ULK4: variants seen among roughly 807,000 people sequenced by gnomAD.
ULK4 encodes inactive serine/threonine-protein kinase ULK4.
A neutral mutation model predicts 160.6 loss-of-function variants in ULK4; 133 were observed. The ratio of observed to expected loss-of-function variants is 0.83; its 90% CI spans 0.72 to 0.96. The LOEUF (loss-of-function observed/expected upper bound fraction) is 0.96. ULK4 is among the 40% of genes least tolerant of loss of function. ULK4 has a pLI of 0.00. For synonymous variants in ULK4, 534 were observed against 539.8 expected, an observed-to-expected ratio of 0.99 and a Z score of 0.15; for missense variants, 1,580 against 1,499.5, an observed-to-expected ratio of 1.05 and a Z score of -0.89.
At chr3:41,595,499 A>T (rs2031633022) in intron 31 of ULK4, among the ~76,000 whole-genome samples, 1 of 152,234 alleles carries the variant, frequency 6.6e-6, no homozygotes, top group African/African-American at 2.4e-5. Flanking sequence ...TACTTATGCA[A>T]AGTGTGTAGT....
intron 21 of ULK4, among the ~76,000 whole-genome samples, chr3:41,755,972 C>T (rs966232133): frequency 3.9e-5 from 6 of 152,180 alleles, no homozygotes; most frequent in African/African-American, 1.4e-4. Flanking sequence ...TACACGCACA[C>T]ACACATGCAC....
chr3:41,471,904 G>A (rs1265949964), intron 32 of ULK4, among the ~76,000 whole-genome samples: 1 of 147,104 alleles, frequency 6.8e-6, no homozygotes, highest in African/African-American at 2.5e-5. Flanking sequence ...AAAAAGAAAG[G>A]TCTCAAATAA....
chr3:41,388,980 C>T (rs1044800697), intron 35 of ULK4, among the ~76,000 whole-genome samples: 1 of 151,838 alleles, frequency 6.6e-6, no homozygotes, highest in Non-Finnish European at 1.5e-5. Context: ...TGGCCATTTT[C>T]ACGATATTGA....
intron 35 of ULK4, among the ~76,000 whole-genome samples, chr3:41,384,836 C>T (rs1399459830): frequency 6.6e-6 from 1 of 152,130 alleles, no homozygotes; most frequent in South Asian, 2.1e-4. Context: ...CCACCCACCT[C>T]GGCCTCCCAA....
chr3:41,317,429 T>A (rs77640803), intron 35 of ULK4, among the ~76,000 whole-genome samples: 25 of 152,258 alleles, frequency 1.6e-4, no homozygotes, highest in Admixed American at 1.2e-3. Flanking sequence ...TTTTGAAACA[T>A]TGTCATTTTA....
At chr3:41,536,364 T>C (rs908471397) in intron 32 of ULK4, among the ~76,000 whole-genome samples, 1 of 132,516 alleles carries the variant, frequency 7.5e-6, no homozygotes, top group Admixed American at 7.2e-5. Context: ...GACTAGGAAC[T>C]GACAAACATT....
At chr3:41,342,162 G>A (rs935907341) in intron 35 of ULK4, among the ~76,000 whole-genome samples, 2 of 152,148 alleles carry the variant, frequency 1.3e-5, no homozygotes, top group African/African-American at 2.4e-5. Context: ...TTAATGAGTT[G>A]AGGGTTTGGA....
At position 41,957,219 on chromosome 3, in the gene ULK4, C is replaced by T. The variant is rs529687426; in HGVS notation, c.-48-2412G>A. Among the ~76,000 whole-genome samples the T allele has an allele frequency of 4.0e-3, 610 of 152,094 alleles. 3 individuals carry two copies. Among genetic ancestry groups the T allele is most frequent in the African/African-American group, 0.014 (576 of 41,504 alleles). ...CTGTAATCCCAGCACTTTGGGAGGC[C>T]GAGGTGGGCTGATCGCCTGAGGTCA... On this transcript the variant is annotated intron_variant, in intron 1 of 36. Transcript: ENST00000301831.
chr3:41,615,609 T>C, intron 31 of ULK4, 60 bp downstream of exon 31: 1 of 1,554,414 alleles, frequency 6.4e-7, no homozygotes, highest in Non-Finnish European at 8.8e-7. Context: ...TACAACATGG[T>C]TAAAATCTTT....
intron 32 of ULK4, among the ~76,000 whole-genome samples, chr3:41,490,647 T>C (rs1328626800): frequency 1.3e-5 from 2 of 152,180 alleles, no homozygotes; most frequent in Non-Finnish European, 2.9e-5. Flanking sequence ...GGAACTCTAT[T>C]TGAAGGCAAA....
chr3:41,882,257 C>T (rs1697547536), intron 17 of ULK4: 1 of 702,968 alleles, frequency 1.4e-6, no homozygotes, highest in Non-Finnish European at 2.6e-6. Flanking sequence ...AGTTCAAAAT[C>T]CCGATTCCAA....
intron 19 of ULK4, among the ~76,000 whole-genome samples, chr3:41,804,466 T>C (rs1490917510): frequency 6.6e-6 from 1 of 151,188 alleles, no homozygotes; most frequent in Non-Finnish European, 1.5e-5. Context: ...TCTTTTGCTG[T>C]GCAGAAGCTC....
At chr3:41,717,668 A>G in intron 23 of ULK4, 60 bp downstream of exon 23, 1 of 1,554,594 alleles carries the variant, frequency 6.4e-7, no homozygotes, top group Non-Finnish European at 8.8e-7. Flanking sequence ...TGATGCCTAA[A>G]AGCCAAGTCT....
chr3:41,917,356 T>C (rs1699004642), intron 7 of ULK4, among the ~76,000 whole-genome samples: 1 of 152,008 alleles, frequency 6.6e-6, no homozygotes, highest in African/African-American at 2.4e-5. Flanking sequence ...ATTAAAAAAT[T>C]AGCCATTCCC....
rs557230180 is a variant in ULK4, at chr3:41,841,589, G to A, written c.1657-5618C>T. Among the ~76,000 whole-genome samples the A allele has an allele frequency of 1.2e-3, 186 of 152,136 alleles. 1 individual carries two copies. Among genetic ancestry groups the A allele is most frequent in the Non-Finnish European group, 2.0e-3 (139 of 68,018 alleles). ...CCGGCAGCCCCATCTGGGAAGTGAGGAGTGCCTCTGCCAGGCCGCCCCATC... is the reference window on the plus strand; with the variant it reads ...CCGGCAGCCCCATCTGGGAAGTGAGAAGTGCCTCTGCCAGGCCGCCCCATC... On this transcript the variant is annotated intron_variant, in intron 17 of 36. Transcript: ENST00000301831.
chr3:41,858,814 T>A (rs1447971931), intron 17 of ULK4, among the ~76,000 whole-genome samples: 1 of 145,366 alleles, frequency 6.9e-6, no homozygotes, highest in Non-Finnish European at 1.5e-5. Context: ...CCAAATTCTT[T>A]TTTCCCCCCC....
At position 41,855,397 on chromosome 3, in the gene ULK4, A is replaced by C. The variant is rs367872414; in HGVS notation, c.1657-19426T>G. On this transcript the variant is annotated intron_variant, in intron 17 of 36. Transcript: ENST00000301831. ...GTGGCAGGTCCCCACTTCTGTATCT[A>C]ATGTAAGCATCTACTGCAGTGTGGA... Among the ~76,000 whole-genome samples the C allele has an allele frequency of 1.1e-3, 172 of 152,310 alleles. 7 individuals are homozygous for C. The South Asian group carries it at 0.026, about 23-fold the overall frequency.
rs2148822754 is a variant in ULK4 at position 41,931,989 on chromosome 3, A to G, written c.396T>C (p.Pro132=). ...AAAAGTTGCTAAACTTCAGTGTGCC[A>G]GGCCCTTCCAAGAGTATCTATGAAG... is the stretch of plus-strand genomic sequence containing the variant. ...ISPRKILLEG[P]GTLKFSNFCL... is the part of the protein sequence containing the mutation. Residue 132 remains proline (P), a synonymous_variant, in exon 5 of 37, where the codon CCT becomes CCC. Coordinates refer to ENST00000301831, the MANE Select transcript of ULK4 (RefSeq NM_017886.4). 1 of 1,614,034 alleles carries G rather than the reference A, an allele frequency of 6.2e-7. No homozygotes were observed. The highest frequency in any genetic ancestry group is 2.2e-5 in the East Asian group (1 of 44,882).
At chr3:41,319,958 C>T (rs993869356) in intron 35 of ULK4, among the ~76,000 whole-genome samples, 1 of 152,200 alleles carries the variant, frequency 6.6e-6, no homozygotes, top group Non-Finnish European at 1.5e-5. Flanking sequence ...ATAGTTTCTT[C>T]ACGTACAAAA....
Sources: allele counts gnomAD v4.1 joint callset (sites outside exome capture counted in the v4.1 genomes callset), GRCh38; gene constraint gnomAD v4.1.1; transcripts MANE v1.5; gene names NCBI Gene and HGNC (gene_info 2026-07-23, HGNC 2026-07-21).